ZNF678: variants seen among roughly 807,000 people sequenced by gnomAD.
ZNF678 encodes the protein zinc finger protein 678.
A neutral mutation model predicts 3.0 loss-of-function variants in ZNF678; 5 were observed. The observed-to-expected ratio is 1.69, with a 90% confidence interval of 0.88 to 3.56. The LOEUF (loss-of-function observed/expected upper bound fraction) is 3.56, where lower values mean the gene tolerates loss of function less well. Among genes scored for constraint, ZNF678 ranks in the 30% most tolerant of loss-of-function variants. ZNF678 has a pLI of 0.00. For missense variants in ZNF678, 593 were observed against 605.0 expected, an observed-to-expected ratio of 0.98 and a Z score of 0.21; for synonymous variants, 218 against 199.6, an observed-to-expected ratio of 1.09 and a Z score of -0.78.
chr1:227,668,163 T>C (rs939292089), intron 5 of ZNF678, among the ~76,000 whole-genome samples: 1 of 151,964 alleles, frequency 6.6e-6, no homozygotes, highest in African/African-American at 2.4e-5. Context: ...GAAGAAGTCA[T>C]ATCCCTGAAG....
intron 1 of ZNF678, among the ~76,000 whole-genome samples, chr1:227,579,044 T>C (rs1237414087): frequency 6.6e-6 from 1 of 152,214 alleles, no homozygotes; most frequent in Non-Finnish European, 1.5e-5. Flanking sequence ...TCTTGGACTT[T>C]GTGCTCTCTG....
intron 1 of ZNF678, among the ~76,000 whole-genome samples, chr1:227,571,546 A>G (rs186537663): frequency 2.0e-5 from 3 of 152,366 alleles, no homozygotes; most frequent in East Asian, 1.9e-4. Context: ...AATTAGCCAT[A>G]TGTGTATTCA....
intron 1 of ZNF678, among the ~76,000 whole-genome samples, chr1:227,616,712 C>G (rs967644016): frequency 2.0e-5 from 3 of 152,146 alleles, no homozygotes; most frequent in Non-Finnish European, 4.4e-5. Flanking sequence ...CCGGGGGTGT[C>G]TCAGAAAGGG....
downstream of ZNF678, among the ~76,000 whole-genome samples, chr1:227,666,912 T>G (rs184008836): frequency 5.2e-3 from 796 of 151,674 alleles, 9 homozygotes; most frequent in African/African-American, 0.018. Flanking sequence ...AGCCGGCTAA[T>G]TTTTTGTATT....
intron 1 of ZNF678, among the ~76,000 whole-genome samples, chr1:227,606,121 CA>C (rs1278015511): frequency 6.6e-6 from 1 of 152,132 alleles, no homozygotes; most frequent in East Asian, 1.9e-4. Flanking sequence ...AGAGAAAGAA[CA>C]GGGGGCCCAG....
intron 1 of ZNF678, among the ~76,000 whole-genome samples, chr1:227,634,910 G>A (rs1658635099): frequency 6.6e-6 from 1 of 152,074 alleles, no homozygotes; most frequent in Admixed American, 6.5e-5. Context: ...CAGACTTTGG[G>A]TAAGACTCAG....
intron 3 of ZNF678, among the ~76,000 whole-genome samples, chr1:227,652,329 A>G (rs1046339235): frequency 2.0e-4 from 30 of 152,112 alleles, no homozygotes; most frequent in African/African-American, 6.5e-4. Context: ...CGCTTTGTCT[A>G]TTATGCCAGT....
At chr1:227,647,952 T>A (rs1658997873) in intron 2 of ZNF678, among the ~76,000 whole-genome samples, 2 of 152,240 alleles carry the variant, frequency 1.3e-5, no homozygotes, top group South Asian at 4.1e-4. Flanking sequence ...ATGTTGTATT[T>A]TCAGCTTTAT....
downstream of ZNF678, among the ~76,000 whole-genome samples, chr1:227,666,972 A>T (rs1212986799): frequency 6.6e-6 from 1 of 151,142 alleles, no homozygotes; most frequent in Non-Finnish European, 1.5e-5. Context: ...CTTGAACTCC[A>T]GACCTCAGAT....
chr1:227,581,019 C>A (rs1231487897), intron 1 of ZNF678, among the ~76,000 whole-genome samples: 2 of 151,690 alleles, frequency 1.3e-5, no homozygotes, highest in Non-Finnish European at 2.9e-5. Flanking sequence ...AGGTCATGTA[C>A]AATTTTCACT....
chr1:227,565,539 T>A (rs962884993), intron 1 of ZNF678, among the ~76,000 whole-genome samples: 22 of 151,742 alleles, frequency 1.4e-4, no homozygotes, highest in East Asian at 3.9e-4. Context: ...TTTATTTTAT[T>A]TTTTTGTAGA....
intron 1 of ZNF678, among the ~76,000 whole-genome samples, chr1:227,602,192 T>A (rs1289668967): frequency 1.3e-5 from 2 of 152,194 alleles, no homozygotes; most frequent in Non-Finnish European, 2.9e-5. Context: ...TGCTTATCAG[T>A]TTGGCAGAGA....
At chr1:227,606,896 C>T (rs2102755808) in intron 1 of ZNF678, among the ~76,000 whole-genome samples, 1 of 152,290 alleles carries the variant, frequency 6.6e-6, no homozygotes, top group Middle Eastern at 3.4e-3. Flanking sequence ...GGGGTTGGGG[C>T]TAAAGTTACA....
At chr1:227,603,412 G>T (rs954028137) in intron 1 of ZNF678, among the ~76,000 whole-genome samples, 2 of 152,132 alleles carry the variant, frequency 1.3e-5, no homozygotes, top group African/African-American at 4.8e-5. Context: ...ATAGAATGAG[G>T]GTTCACTTTC....
intron 1 of ZNF678, among the ~76,000 whole-genome samples, chr1:227,585,943 A>G (rs943717387): frequency 6.6e-6 from 1 of 152,234 alleles, no homozygotes; most frequent in South Asian, 2.1e-4. Context: ...AACTCACAGC[A>G]AACAGCCACA....
chr1:227,604,269 C>T (rs556611413), intron 1 of ZNF678, among the ~76,000 whole-genome samples: 1 of 152,140 alleles, frequency 6.6e-6, no homozygotes, highest in Non-Finnish European at 1.5e-5. Context: ...TTTTGTAAAG[C>T]GGCTGTGCTG....
At chr1:227,653,311 TTC>T (rs1659134281) in intron 3 of ZNF678, among the ~76,000 whole-genome samples, 1 of 152,044 alleles carries the variant, frequency 6.6e-6, no homozygotes, top group Non-Finnish European at 1.5e-5. Flanking sequence ...TTTTCTTGTA[TTC>T]TTCAGTCCCA....
chr1:227,613,362 C>G (rs1222288724), intron 1 of ZNF678, among the ~76,000 whole-genome samples: 1 of 152,162 alleles, frequency 6.6e-6, no homozygotes, highest in Admixed American at 6.5e-5. Flanking sequence ...ATTTATCCTC[C>G]CAGAGATGCT....
In ZNF678 at chr1:227,658,007, C is replaced by T. The variant is rs1489324535; in HGVS notation, c.*2179C>T. On this transcript the variant is annotated 3_prime_UTR_variant, in exon 4 of 4. Coordinates refer to ENST00000343776, the MANE Select transcript of ZNF678 (RefSeq NM_001367909.1). ...AAGTTCATGAAATTTTCTCTATATT[C>T]CTGAGAAATTCTAAGAATAACTTTC... 1 of 151,670 alleles carries T rather than the reference C, an allele frequency of 6.6e-6. No individual in the cohort carries two copies. Among genetic ancestry groups the T allele is most frequent in the Admixed American group, 6.6e-5 (1 of 15,224 alleles). 9.4% of individuals were successfully genotyped at this position (151,670 alleles called of 1,614,324 possible).
Sources: gnomAD v4.1 joint callset for allele counts (sites outside exome capture counted in the v4.1 genomes callset) on GRCh38, gnomAD v4.1.1 for gene constraint, MANE v1.5 for transcripts, NCBI Gene and HGNC (gene_info 2026-07-23, HGNC 2026-07-21) for gene names.